The following CCDC197 variants were observed in gnomAD, a reference collection of about 807,000 sequenced individuals.
CCDC197 encodes uncharacterized protein CCDC197.
A neutral mutation model predicts 13.4 loss-of-function variants in CCDC197; 24 were observed. That is an observed-to-expected ratio of 1.80 (90% CI 1.30 to 2.53). The LOEUF is 2.53. Ranked by LOEUF, CCDC197 falls within the 30% of genes most tolerant of loss-of-function variation. The pLI is 0.00. For missense variants in CCDC197, 255 were observed against 148.8 expected, an observed-to-expected ratio of 1.71 and a Z score of -3.71; for synonymous variants, 99 against 55.5, an observed-to-expected ratio of 1.78 and a Z score of -3.48.
At chr14:94,007,645 T>TG (rs904037947) in intron 6 of CCDC197, 3 of 152,128 alleles carry the variant, frequency 2.0e-5, no homozygotes, top group African/African-American at 7.2e-5. Context: ...GGTGCCTGGG[T>TG]GGGTTTCAGG....
upstream of CCDC197, among the ~76,000 whole-genome samples, chr14:93,992,851 T>A (rs1427359742): frequency 6.6e-6 from 1 of 152,096 alleles, no homozygotes; most frequent in Non-Finnish European, 1.5e-5. Flanking sequence ...CACAGGGAAG[T>A]GGGTGCTGGG....
chr14:93,998,518 G>A (rs369511027), intron 2 of CCDC197, among the ~76,000 whole-genome samples: 17 of 152,290 alleles, frequency 1.1e-4, no homozygotes, highest in Non-Finnish European at 1.6e-4. Flanking sequence ...GTGACCATCC[G>A]TCTGCACCTG....
chr14:93,992,512 TTGA>T (rs1356285643), upstream of CCDC197, among the ~76,000 whole-genome samples: 5 of 152,094 alleles, frequency 3.3e-5, no homozygotes, highest in African/African-American at 1.2e-4. Context: ...AAGAAAACAG[TTGA>T]TGATGCCCTG....
intron 4 of CCDC197, chr14:94,001,539 G>T (rs1890509620): frequency 2.1e-6 from 1 of 477,084 alleles, no homozygotes. Flanking sequence ...GTTGTTCTGC[G>T]TGGTAGAAAA....
chr14:94,006,387 C>T lies in CCDC197; in HGVS notation c.615+1416C>T, dbSNP rs145496844. On this transcript the variant is annotated intron_variant, in intron 6 of 6. Coordinates refer to ENST00000636493, the MANE Select transcript of CCDC197 (RefSeq NM_001351596.2). ...TTTTTTTTTGAGACAGAGTCTCACTCTCTTGCCCAGGCTGGAGTGCAATGG... is the reference window on the plus strand; with the variant it reads ...TTTTTTTTTGAGACAGAGTCTCACTTTCTTGCCCAGGCTGGAGTGCAATGG... Among the ~76,000 whole-genome samples the T allele has an allele frequency of 4.5e-3, 683 of 150,788 alleles. 2 individuals are homozygous for T. The highest frequency in any genetic ancestry group is 0.016 in the African/African-American group (657 of 40,950).
At chr14:94,006,708 C>A (rs1890691009) in intron 6 of CCDC197, among the ~76,000 whole-genome samples, 2 of 152,206 alleles carry the variant, frequency 1.3e-5, no homozygotes, top group South Asian at 4.1e-4. Flanking sequence ...ATTCTGGATA[C>A]AGGTCCCTTA....
At chr14:93,989,942 G>C (rs1408012189) in intron 1 of CCDC197, among the ~76,000 whole-genome samples, 2 of 152,148 alleles carry the variant, frequency 1.3e-5, no homozygotes, top group Non-Finnish European at 2.9e-5. Flanking sequence ...ACTGCTGGTC[G>C]GGCCTGTTCT....
At chr14:93,995,223 C>G (rs956290171), upstream of CCDC197, among the ~76,000 whole-genome samples, 2 of 152,316 alleles carry the variant, frequency 1.3e-5, no homozygotes, top group African/African-American at 4.8e-5. Flanking sequence ...AAGCTGCCTC[C>G]TCCCTAAGCA....
At chr14:93,991,791 T>C (rs543393672) in intron 1 of CCDC197, among the ~76,000 whole-genome samples, 6 of 151,594 alleles carry the variant, frequency 4.0e-5, no homozygotes, top group African/African-American at 1.2e-4. Flanking sequence ...AAGAGTGCTA[T>C]GAAGAGCTTG....
chr14:93,993,094 C>A (rs1462432718), upstream of CCDC197, among the ~76,000 whole-genome samples: 1 of 152,208 alleles, frequency 6.6e-6, no homozygotes, highest in African/African-American at 2.4e-5. Flanking sequence ...CCAGAGCCAC[C>A]TTTGCCAGCC....
At chr14:93,999,443 T>C (rs8013933) in intron 2 of CCDC197, 140 bp from the exon 3 acceptor site, 180,987 of 637,778 alleles carry the variant, frequency 0.28, 27,532 homozygotes, top group Admixed American at 0.39. Context: ...CCTAAGTCTA[T>C]GGCCAACTGA....
At chr14:94,010,325 T>A (rs1231264849), downstream of CCDC197, among the ~76,000 whole-genome samples, 1 of 152,156 alleles carries the variant, frequency 6.6e-6, no homozygotes, top group Non-Finnish European at 1.5e-5. Context: ...TGCCTCAGCC[T>A]CCCAAGTAAC....
chr14:93,991,722 C>G (rs1445800219), intron 1 of CCDC197, among the ~76,000 whole-genome samples: 1 of 152,204 alleles, frequency 6.6e-6, no homozygotes, highest in Non-Finnish European at 1.5e-5. Flanking sequence ...GTTGCGGTAC[C>G]TGAGATGGTC....
rs1890560377 is a variant in CCDC197 at position 94,002,778 on chromosome 14, A to T, written c.367-445A>T. Among the ~76,000 whole-genome samples the T allele has an allele frequency of 1.3e-5, 2 of 149,212 alleles. 1 individual carries two copies. The highest frequency in any genetic ancestry group is 4.9e-5 in the African/African-American group (2 of 40,520). ...TGAAGCAGGAGAATCACTTGAACCCAGGAGGCGGAGGTCGCAGTAAGCCAA... is the reference window on the plus strand; with the variant it reads ...TGAAGCAGGAGAATCACTTGAACCCTGGAGGCGGAGGTCGCAGTAAGCCAA... On this transcript the variant is annotated intron_variant, in intron 4 of 6. Coordinates refer to ENST00000636493, the MANE Select transcript of CCDC197 (RefSeq NM_001351596.2).
intron 1 of CCDC197, among the ~76,000 whole-genome samples, chr14:93,990,567 C>G (rs568257595): frequency 1.3e-5 from 2 of 152,190 alleles, no homozygotes; most frequent in Admixed American, 1.3e-4. Flanking sequence ...CCTTCCAAGC[C>G]CAGTAGATGG....
chr14:94,008,557 A>C, intron 6 of CCDC197, 52 bp from the exon 7 acceptor site: 1 of 684,862 alleles, frequency 1.5e-6, no homozygotes, highest in Middle Eastern at 2.3e-4. Flanking sequence ...CCTAGAAAGC[A>C]GCGTCCAGAG....
At chr14:93,996,924 C>T (rs1370220463), upstream of CCDC197, among the ~76,000 whole-genome samples, 1 of 152,210 alleles carries the variant, frequency 6.6e-6, no homozygotes, top group Non-Finnish European at 1.5e-5. Context: ...CAGGCCTGGT[C>T]CTGAGCCATG....
chr14:94,009,351 T>C (rs186920838), downstream of CCDC197, among the ~76,000 whole-genome samples: 44 of 152,266 alleles, frequency 2.9e-4, no homozygotes, highest in African/African-American at 1.0e-3. Context: ...TGCAGGTGTC[T>C]GAGCTGCCTG....
Position 94,004,942 on chromosome 14 carries a change from G to A in CCDC197, c.586G>A (p.Asp196Asn). Residue 196 changes from aspartate (D) to asparagine (N), a missense_variant, in exon 6 of 7, where the codon GAT becomes AAT. Physicochemically the swap from Asp to Asn is conservative, Grantham distance 23. Coordinates refer to ENST00000636493, the MANE Select transcript of CCDC197 (RefSeq NM_001351596.2). ...PSAHGVPKSM[D>N]LFSKLDLIKE... ...TGCCCACGGCGTGCCCAAGAGCATGGATCTCTTCTCCAAGCTCGATCTGAT... is the reference window on the plus strand; with the variant it reads ...TGCCCACGGCGTGCCCAAGAGCATGAATCTCTTCTCCAAGCTCGATCTGAT... 1 of 702,926 alleles carries A rather than the reference G, an allele frequency of 1.4e-6. No individual in the cohort carries two copies. The highest frequency in any genetic ancestry group is 1.5e-5 in the South Asian group (1 of 67,576). The allele number at this position is 702,926 out of a possible 1,614,324, so 43.5% of individuals were successfully genotyped here. A position where few individuals can be genotyped will look rare whatever the true frequency, so the allele number is the denominator to read the frequency against.
Sources: gnomAD v4.1 joint callset for allele counts (sites outside exome capture counted in the v4.1 genomes callset) on GRCh38, gnomAD v4.1.1 for gene constraint, MANE v1.5 for transcripts, NCBI Gene and HGNC (gene_info 2026-07-23, HGNC 2026-07-21) for gene names.